FMN1: variants seen among roughly 807,000 people sequenced by gnomAD.
FMN1 encodes the protein formin-1.
A neutral mutation model predicts 132.4 loss-of-function variants in FMN1; 110 were observed. That is an observed-to-expected ratio of 0.83 (90% CI 0.71 to 0.97). The LOEUF (loss-of-function observed/expected upper bound fraction) is 0.97, where lower values mean the gene tolerates loss of function less well. Ranked by LOEUF, FMN1 falls within the 50% of genes least tolerant of loss-of-function variation. FMN1 has a pLI of 0.00. For synonymous variants in FMN1, 722 were observed against 651.7 expected, an observed-to-expected ratio of 1.11 and a Z score of -1.64; for missense variants, 1,792 against 1,705.3, an observed-to-expected ratio of 1.05 and a Z score of -0.90.
chr15:32,775,422 G>A (rs533202444), intron 20 of FMN1, among the ~76,000 whole-genome samples: 2 of 152,142 alleles, frequency 1.3e-5, no homozygotes, highest in South Asian at 2.1e-4. Context: ...TGTCTATATG[G>A]CTGACCCCAT....
intron 2 of FMN1, among the ~76,000 whole-genome samples, chr15:33,187,421 T>C (rs1013869789): frequency 6.6e-6 from 1 of 152,144 alleles, no homozygotes; most frequent in Non-Finnish European, 1.5e-5. Context: ...TCCCCAGGGC[T>C]GTTGGGAAAG....
chr15:33,158,879 T>C (rs1964782011), intron 3 of FMN1, among the ~76,000 whole-genome samples: 2 of 152,124 alleles, frequency 1.3e-5, no homozygotes, highest in Non-Finnish European at 2.9e-5. Context: ...GGAGAAGAGA[T>C]GGTCAATTTT....
At chr15:32,823,340 AT>A (rs1438884971) in intron 17 of FMN1, among the ~76,000 whole-genome samples, 1 of 151,394 alleles carries the variant, frequency 6.6e-6, no homozygotes, top group Non-Finnish European at 1.5e-5. Context: ...TTCTTTTTGT[AT>A]TTTTAGTAGA....
At position 33,150,043 on chromosome 15, in the gene FMN1, C is replaced by T. The variant is rs919769458; in HGVS notation, c.1867+3005G>A. ...ATATCAGGAAGAACTATGCCTGGAGCATATGCTTCCATCACCACATCAGTG... is the reference window on the plus strand; with the variant it reads ...ATATCAGGAAGAACTATGCCTGGAGTATATGCTTCCATCACCACATCAGTG... On this transcript the variant is annotated intron_variant, in intron 4 of 20. Transcript: ENST00000616417. 4 of 985,290 alleles carry T rather than the reference C, an allele frequency of 4.1e-6. No homozygotes were observed. The African/African-American group carries it at 5.2e-5, about 13-fold the overall frequency. The allele number at this position is 985,290 out of a possible 1,614,324, so 61.0% of individuals were successfully genotyped here.
chr15:33,066,985 T>C lies in FMN1; in HGVS notation c.2044-1911A>G, dbSNP rs779627051. ...TGAGCAAAGCTAAGTCCCCATCCTT[T>C]GGTTTAATTTCCGTGATGGTCTCTC... On this transcript the variant is annotated intron_variant, in intron 5 of 20. Transcript: ENST00000616417. The C allele has an allele frequency of 4.3e-6, 7 of 1,613,844 alleles. No homozygotes were observed. The African/African-American group carries it at 8.0e-5, about 18-fold the overall frequency.
At chr15:33,157,263 CAAA>C (rs57411775) in intron 3 of FMN1, among the ~76,000 whole-genome samples, 3 of 120,428 alleles carry the variant, frequency 2.5e-5, no homozygotes, top group African/African-American at 6.1e-5. Flanking sequence ...GACTCCATCT[CAAA>C]AAAAAAAAAA....
At chr15:33,014,287 T>G (rs2034909109) in intron 6 of FMN1, among the ~76,000 whole-genome samples, 1 of 152,238 alleles carries the variant, frequency 6.6e-6, no homozygotes, top group African/African-American at 2.4e-5. Context: ...TGCCCCCAGA[T>G]GCTTCTTGAG....
chr15:32,870,137 T>C (rs771718225), intron 16 of FMN1, among the ~76,000 whole-genome samples: 2 of 152,220 alleles, frequency 1.3e-5, no homozygotes, highest in Non-Finnish European at 2.9e-5. Context: ...CTGCCTGGGA[T>C]GTTTTTGATA....
intron 4 of FMN1, among the ~76,000 whole-genome samples, chr15:33,108,908 G>C (rs1362635876): frequency 6.6e-6 from 1 of 152,030 alleles, no homozygotes; most frequent in Admixed American, 6.6e-5. Context: ...CTACAATATT[G>C]ATTACCACTC....
rs1245424282 is a variant in FMN1, at chr15:33,172,140, G to A, written c.-132+8058C>T. ...GGACAATGGCGTGAACCTGGAAGGCGGAGCTTGCAGTGAGCCGAGATCGCG... is the reference window on the plus strand; with the variant it reads ...GGACAATGGCGTGAACCTGGAAGGCAGAGCTTGCAGTGAGCCGAGATCGCG... On this transcript the variant is annotated intron_variant, in intron 3 of 20. Transcript: ENST00000616417. 2.6e-5 allele frequency among the ~76,000 whole-genome samples: 4 copies of A among 152,076 alleles called. No individual in the cohort carries two copies. In the South Asian group the frequency reaches 6.2e-4, roughly 24 times the overall value.
intron 6 of FMN1, among the ~76,000 whole-genome samples, chr15:33,052,350 T>C (rs571359489): frequency 2.0e-5 from 3 of 152,228 alleles, no homozygotes; most frequent in East Asian, 1.9e-4. Context: ...AAAACATTGA[T>C]AGGATAAAAA....
chr15:32,968,640 C>T (rs879480899), intron 8 of FMN1, 74 bp downstream of exon 8: 21 of 1,589,540 alleles, frequency 1.3e-5, no homozygotes, highest in African/African-American at 2.7e-5. Flanking sequence ...GATATTGACC[C>T]GGTAAGAATA....
chr15:32,956,239 T>C (rs934064612), intron 9 of FMN1, among the ~76,000 whole-genome samples: 4 of 151,986 alleles, frequency 2.6e-5, no homozygotes, highest in Non-Finnish European at 5.9e-5. Flanking sequence ...GAGACACAAA[T>C]CCAGATCAAG....
At chr15:32,902,090 A>G (rs1306994196) in intron 12 of FMN1, 50 bp from the exon 13 acceptor site, 1 of 1,539,456 alleles carries the variant, frequency 6.5e-7, no homozygotes. Context: ...TCACAAGGAA[A>G]ATAAAAAGAC....
At chr15:32,932,253 A>T (rs548086046) in intron 9 of FMN1, among the ~76,000 whole-genome samples, 3 of 152,102 alleles carry the variant, frequency 2.0e-5, no homozygotes, top group African/African-American at 7.2e-5. Flanking sequence ...ACAAAAAATT[A>T]GCTGTGCATG....
chr15:33,014,420 A>G (rs77031754), intron 6 of FMN1, among the ~76,000 whole-genome samples: 2,170 of 152,298 alleles, frequency 0.014, 56 homozygotes, highest in African/African-American at 0.049. Flanking sequence ...CTGGGACCTT[A>G]TAAGTGTGTG....
At position 33,018,246 on chromosome 15, in the gene FMN1, A is replaced by G. The variant is rs113263784; in HGVS notation, c.2162-10171T>C. On this transcript the variant is annotated intron_variant, in intron 6 of 20. Coordinates refer to ENST00000616417, the MANE Select transcript of FMN1 (RefSeq NM_001277313.2). ...TTGACCCCACTTCCTGACAATTTCT[A>G]AAATCCTTACACTTTCCAAAGTGAT... Among the ~76,000 whole-genome samples, 1,124 of 152,160 alleles carry G rather than the reference A, an allele frequency of 7.4e-3. 17 individuals carry two copies. The highest frequency in any genetic ancestry group is 0.024 in the African/African-American group (1,000 of 41,526).
intron 5 of FMN1, among the ~76,000 whole-genome samples, chr15:33,086,701 A>G (rs968992720): frequency 2.0e-5 from 3 of 152,248 alleles, no homozygotes; most frequent in Non-Finnish European, 2.9e-5. Context: ...TCACTGTTAC[A>G]CTTCCTACTT....
chr15:32,860,056 T>G (rs867388685), intron 16 of FMN1, among the ~76,000 whole-genome samples: 1 of 129,074 alleles, frequency 7.7e-6, no homozygotes, highest in Admixed American at 8.4e-5. Context: ...AATGAAAGAA[T>G]GAAAGGAGGA....
Sources: gnomAD v4.1 joint callset for allele counts (sites outside exome capture counted in the v4.1 genomes callset) on GRCh38, gnomAD v4.1.1 for gene constraint, MANE v1.5 for transcripts, NCBI Gene and HGNC (gene_info 2026-07-23, HGNC 2026-07-21) for gene names.